Variants in INPP4B observed in about 807,000 individuals in gnomAD.
INPP4B encodes inositol polyphosphate-4-phosphatase type II B.
In INPP4B, 55 loss-of-function variants were observed where a neutral mutation model predicts 122.5. The ratio of observed to expected loss-of-function variants is 0.45; its 90% CI spans 0.36 to 0.56. The LOEUF (loss-of-function observed/expected upper bound fraction) is 0.56, where lower values mean the gene tolerates loss of function less well. INPP4B is among the 20% of genes least tolerant of loss of function. The pLI, the probability that INPP4B is intolerant of heterozygous loss-of-function variation, is 0.00. For missense variants in INPP4B, 1,000 were observed against 1,097.7 expected (o/e 0.91, Z 1.26); for synonymous variants, 403 against 388.7 (o/e 1.04, Z -0.43).
At chr4:142,579,479 C>A in intron 2 of INPP4B, among the ~76,000 whole-genome samples, 1 of 151,966 alleles carries the variant, frequency 6.6e-6, no homozygotes, top group African/African-American at 2.4e-5. Context: ...CTGGGTGTTT[C>A]TATACAGCTG....
intron 25 of INPP4B, 101 bp from the exon 26 acceptor site, chr4:142,029,015 A>G: frequency 6.8e-7 from 1 of 1,465,340 alleles, no homozygotes; most frequent in Non-Finnish European, 9.0e-7. Flanking sequence ...AGTAAAAATA[A>G]CAAAGATTCA....
chr4:142,282,781 G>A (rs1415589826), intron 9 of INPP4B, among the ~76,000 whole-genome samples: 3 of 152,032 alleles, frequency 2.0e-5, no homozygotes, highest in African/African-American at 4.8e-5. Flanking sequence ...AGCCACCTGT[G>A]TATAATTACA....
intron 1 of INPP4B, among the ~76,000 whole-genome samples, chr4:142,801,724 T>C (rs556095146): frequency 1.3e-5 from 2 of 152,340 alleles, no homozygotes; most frequent in African/African-American, 2.4e-5. Flanking sequence ...ATATAGGTTA[T>C]AATGGAGAAG....
At chr4:142,551,700 T>A (rs1233795838) in intron 2 of INPP4B, among the ~76,000 whole-genome samples, 1 of 152,170 alleles carries the variant, frequency 6.6e-6, no homozygotes, top group Non-Finnish European at 1.5e-5. Context: ...GATGCTAGAC[T>A]GGCAAACTGA....
At chr4:142,065,258 CACACACAT>C (rs1367402708) in intron 25 of INPP4B, among the ~76,000 whole-genome samples, 3 of 150,170 alleles carry the variant, frequency 2.0e-5, no homozygotes, top group Non-Finnish European at 4.4e-5. Context: ...CACACACACA[CACACACAT>C]ACATAGTGAA....
At chr4:142,136,364 C>A (rs2152808989) in intron 18 of INPP4B, among the ~76,000 whole-genome samples, 1 of 152,348 alleles carries the variant, frequency 6.6e-6, no homozygotes, top group Non-Finnish European at 1.5e-5. Flanking sequence ...TGACAAAACA[C>A]AAATGCAAAG....
chr4:142,653,874 A>G (rs960196171), intron 2 of INPP4B, among the ~76,000 whole-genome samples: 7 of 152,216 alleles, frequency 4.6e-5, no homozygotes, highest in Non-Finnish European at 1.0e-4. Flanking sequence ...TCCTGGGTAT[A>G]TACCCAAAGG....
chr4:142,784,364 AAAATAAATAAATAAATAAATAAAT>A (rs3080884), intron 1 of INPP4B, among the ~76,000 whole-genome samples: 1 of 137,784 alleles, frequency 7.3e-6, no homozygotes, highest in Admixed American at 7.3e-5. Flanking sequence ...CTCTGTCTCA[AAAATAAATAAATAAATAAATAAAT>A]AAATAAATAA....
chr4:142,692,033 G>A lies in INPP4B; in HGVS notation c.-191+33806C>T, dbSNP rs114193156. 8.2e-3 allele frequency among the ~76,000 whole-genome samples: 1,244 copies of A among 152,210 alleles called. 10 individuals carry two copies. Among genetic ancestry groups the A allele is most frequent in the African/African-American group, 0.026 (1,096 of 41,542 alleles). ...CTTCACAGGAAAAAGAAACCTCATG[G>A]AAGATGTTAATTATTTCTCTGTCCC... On this transcript the variant is annotated intron_variant, in intron 2 of 25. Coordinates refer to ENST00000262992, the MANE Select transcript of INPP4B (RefSeq NM_001101669.3).
chr4:142,167,163 C>T (rs896712501), intron 16 of INPP4B, among the ~76,000 whole-genome samples: 13 of 151,730 alleles, frequency 8.6e-5, no homozygotes, highest in Non-Finnish European at 1.3e-4. Flanking sequence ...CAATGATAGA[C>T]TGGATAAAGA....
chr4:142,530,682 A>C lies in INPP4B; in HGVS notation c.-190-67956T>G, dbSNP rs1827502328. 2.0e-5 allele frequency among the ~76,000 whole-genome samples: 3 copies of C among 152,042 alleles called. No individual in the cohort carries two copies. The South Asian group carries it at 6.2e-4, about 32-fold the overall frequency. On this transcript the variant is annotated intron_variant, in intron 2 of 25. Coordinates refer to ENST00000262992, the MANE Select transcript of INPP4B (RefSeq NM_001101669.3). ...GGCTGCTGTTTTAGATAGGGTGTTC[A>C]TCATAGGTCTCTCTGATCAGACTAT...
At chr4:142,810,630 T>C (rs1192758405) in intron 1 of INPP4B, among the ~76,000 whole-genome samples, 1 of 152,222 alleles carries the variant, frequency 6.6e-6, no homozygotes, top group Non-Finnish European at 1.5e-5. Context: ...TAACATCTAT[T>C]AAATTTCTAT....
At chr4:142,813,058 C>A (rs1350663398) in intron 1 of INPP4B, among the ~76,000 whole-genome samples, 1 of 152,128 alleles carries the variant, frequency 6.6e-6, no homozygotes, top group Non-Finnish European at 1.5e-5. Context: ...AAATGTTGAA[C>A]ACGAAATTTA....
chr4:142,635,389 C>T (rs1205091493), intron 2 of INPP4B, among the ~76,000 whole-genome samples: 1 of 152,044 alleles, frequency 6.6e-6, no homozygotes, highest in African/African-American at 2.4e-5. Flanking sequence ...ATCATTCTAC[C>T]ATAAAGACAC....
At chr4:142,814,523 GT>G (rs1006127842) in intron 1 of INPP4B, among the ~76,000 whole-genome samples, 23 of 152,080 alleles carry the variant, frequency 1.5e-4, no homozygotes, top group African/African-American at 5.3e-4. Flanking sequence ...TAATCTCTCT[GT>G]TTTTCTCCAA....
intron 2 of INPP4B, among the ~76,000 whole-genome samples, chr4:142,467,637 T>A (rs1209320311): frequency 6.6e-6 from 1 of 152,172 alleles, no homozygotes; most frequent in Non-Finnish European, 1.5e-5. Flanking sequence ...AATTAATGCT[T>A]GCATGAGTTA....
intron 18 of INPP4B, among the ~76,000 whole-genome samples, chr4:142,137,195 C>T (rs1021818608): frequency 3.3e-5 from 5 of 151,914 alleles, no homozygotes; most frequent in African/African-American, 1.2e-4. Flanking sequence ...AGATATAGAT[C>T]AATGGAACAG....
intron 1 of INPP4B, among the ~76,000 whole-genome samples, chr4:142,773,649 T>A (rs541048950): frequency 6.4e-4 from 98 of 152,344 alleles, no homozygotes; most frequent in African/African-American, 2.3e-3. Context: ...TAAGACATCA[T>A]AATTTCATAT....
intron 7 of INPP4B, among the ~76,000 whole-genome samples, chr4:142,373,833 G>T (rs1311032260): frequency 6.6e-6 from 1 of 151,824 alleles, no homozygotes; most frequent in East Asian, 1.9e-4. Flanking sequence ...TGTGGTTATT[G>T]TTAAAGCAAA....
Sources: allele counts gnomAD v4.1 joint callset (sites outside exome capture counted in the v4.1 genomes callset), GRCh38; gene constraint gnomAD v4.1.1; transcripts MANE v1.5; gene names NCBI Gene and HGNC (gene_info 2026-07-23, HGNC 2026-07-21).